The following TSPAN9 variants were observed in gnomAD, a reference collection of about 807,000 sequenced individuals.
TSPAN9 encodes the protein tetraspanin-9.
A neutral mutation model predicts 31.0 loss-of-function variants in TSPAN9; 16 were observed. The ratio of observed to expected loss-of-function variants is 0.52; its 90% CI spans 0.35 to 0.78. The LOEUF (loss-of-function observed/expected upper bound fraction) is 0.78, where lower values mean the gene tolerates loss of function less well. Ranked by LOEUF, TSPAN9 falls within the 30% of genes least tolerant of loss-of-function variation. The pLI is 0.01. For synonymous variants in TSPAN9, 145 were observed against 121.6 expected, an observed-to-expected ratio of 1.19 and a Z score of -1.27; for missense variants, 272 against 312.5, an observed-to-expected ratio of 0.87 and a Z score of 0.98.
chr12:3,201,026 C>A (rs1459350118), intron 2 of TSPAN9, 151 bp from the exon 3 acceptor site: 1 of 660,298 alleles, frequency 1.5e-6, no homozygotes, highest in Non-Finnish European at 2.6e-6. Context: ...CCCGTTCGGC[C>A]GCGGCTTCAC....
intron 3 of TSPAN9, among the ~76,000 whole-genome samples, chr12:3,258,687 C>A (rs1862395052): frequency 6.6e-6 from 1 of 152,180 alleles, no homozygotes; most frequent in Non-Finnish European, 1.5e-5. Flanking sequence ...TAACATCATT[C>A]CTTGACCCAC....
chr12:3,235,986 C>T (rs2098393543), intron 3 of TSPAN9, among the ~76,000 whole-genome samples: 1 of 152,272 alleles, frequency 6.6e-6, no homozygotes, highest in Admixed American at 6.5e-5. Flanking sequence ...GCTGGGGCGG[C>T]ATGAGGGATC....
At chr12:3,125,582 A>G (rs1238184417) in intron 2 of TSPAN9, among the ~76,000 whole-genome samples, 7 of 152,138 alleles carry the variant, frequency 4.6e-5, no homozygotes, top group Admixed American at 1.3e-4. Flanking sequence ...TCACTCTATA[A>G]GAAGACCCTA....
chr12:3,260,911 A>T (rs1307604466), intron 3 of TSPAN9, among the ~76,000 whole-genome samples: 2 of 152,200 alleles, frequency 1.3e-5, no homozygotes, highest in African/African-American at 4.8e-5. Context: ...GCAAAAGAAT[A>T]TGGAAATGAT....
At chr12:3,162,269 A>G (rs1221616466) in intron 2 of TSPAN9, among the ~76,000 whole-genome samples, 1 of 152,236 alleles carries the variant, frequency 6.6e-6, no homozygotes, top group Non-Finnish European at 1.5e-5. Context: ...ATGCTCAGAC[A>G]TCAGAATCGT....
intron 2 of TSPAN9, among the ~76,000 whole-genome samples, chr12:3,135,767 T>A (rs2098331839): frequency 6.6e-6 from 1 of 152,182 alleles, no homozygotes; most frequent in Admixed American, 6.5e-5. Context: ...CACATCTCAC[T>A]GATTCCAGGA....
At chr12:3,198,246 C>T (rs1280255898) in intron 2 of TSPAN9, among the ~76,000 whole-genome samples, 2 of 105,096 alleles carry the variant, frequency 1.9e-5, no homozygotes, top group Admixed American at 1.0e-4. Context: ...CAGGTCACCA[C>T]CAGCACAGCT....
chr12:3,209,949 ACT>A (rs1347311183), intron 3 of TSPAN9, among the ~76,000 whole-genome samples: 3 of 115,444 alleles, frequency 2.6e-5, no homozygotes, highest in African/African-American at 6.8e-5. Flanking sequence ...ACAGAGTGAG[ACT>A]CTGTCCCAAA....
chr12:3,142,366 C>T (rs752275373), intron 2 of TSPAN9, among the ~76,000 whole-genome samples: 1 of 152,188 alleles, frequency 6.6e-6, no homozygotes, highest in Non-Finnish European at 1.5e-5. Context: ...ATGGGGCTCA[C>T]GTTGGCCCCT....
chr12:3,143,260 AT>A lies in TSPAN9; in HGVS notation c.-17-57916del, dbSNP rs1405639811. 8.1e-5 allele frequency among the ~76,000 whole-genome samples: 12 copies of A among 148,324 alleles called. No homozygotes were observed. Among genetic ancestry groups the A allele is most frequent in the African/African-American group, 2.2e-4 (9 of 40,754 alleles). On this transcript the variant is annotated intron_variant, in intron 2 of 8. Transcript: ENST00000011898. The surrounding 1 kb of genome is among the most constrained non-coding windows in gnomAD (Gnocchi z 4.2). The stretch of plus-strand genomic sequence containing the variant: ...TTTATAATTAATAATATTTATAGTT[AT>A]ATTAATCATAATTAATAATATTTAT...
chr12:3,205,002 G>A (rs2098374179), intron 3 of TSPAN9, among the ~76,000 whole-genome samples: 1 of 152,080 alleles, frequency 6.6e-6, no homozygotes, highest in South Asian at 2.1e-4. Context: ...GCGTATAGGG[G>A]TGGGCTGGAA....
intron 2 of TSPAN9, among the ~76,000 whole-genome samples, chr12:3,197,694 TCACAC>T (rs2098367830): frequency 8.0e-6 from 1 of 125,438 alleles, no homozygotes; most frequent in Admixed American, 7.6e-5. Flanking sequence ...CCAGCACAGG[TCACAC>T]CAGCACAGGT....
At chr12:3,222,508 C>T (rs1002284) in intron 3 of TSPAN9, among the ~76,000 whole-genome samples, 28,687 of 152,172 alleles carry the variant, frequency 0.19, 3,194 homozygotes, top group South Asian at 0.45. Flanking sequence ...GGCACTGCAT[C>T]TGGATGGATT....
intron 2 of TSPAN9, among the ~76,000 whole-genome samples, chr12:3,155,224 C>A (rs2098341641): frequency 6.6e-6 from 1 of 152,082 alleles, no homozygotes. Flanking sequence ...TTATGCTGGG[C>A]ACTTTGGGGA....
rs1475940181 is a variant in TSPAN9, at chr12:3,173,043, AC to A, written c.-17-28132del. On this transcript the variant is annotated intron_variant, in intron 2 of 8. Coordinates refer to ENST00000011898, the MANE Select transcript of TSPAN9 (RefSeq NM_006675.5). ...CCAGTTCAGGTGCTCAAGGCGTCTT[AC>A]CTGAACATTACCACAGCTTCCTGAC... The A allele has an allele frequency of 2.6e-5, 4 of 152,392 alleles. No individual in the cohort carries two copies. In the East Asian group the frequency reaches 5.8e-4, roughly 22 times the overall value. 9.4% of individuals were successfully genotyped at this position (152,392 alleles called of 1,614,324 possible). A position where few individuals can be genotyped will look rare whatever the true frequency, so the allele number is the denominator to read the frequency against.
intron 3 of TSPAN9, among the ~76,000 whole-genome samples, chr12:3,228,594 C>G (rs939761370): frequency 1.5e-4 from 23 of 152,344 alleles, no homozygotes; most frequent in Middle Eastern, 3.4e-3. Context: ...AGTGAGTGCT[C>G]CTAGCTCTAG....
In TSPAN9 at chr12:3,281,791, G is replaced by T. The variant is rs1393980197; in HGVS notation, c.622G>T (p.Val208Leu). Residue 208 changes from valine to leucine, a missense_variant, in exon 8 of 9, where the codon GTG becomes TTG. Coordinates refer to ENST00000011898, the MANE Select transcript of TSPAN9 (RefSeq NM_006675.5). ...TGACAATAAGCACGTGCTGGGCACGGTGGGGATGTGCATCCTCATCATGCA... is the reference window on the plus strand; with the variant it reads ...TGACAATAAGCACGTGCTGGGCACGTTGGGGATGTGCATCCTCATCATGCA... The part of the protein sequence containing the change: ...FDDNKHVLGT[V>L]GMCILIMQIL... The T allele has an allele frequency of 6.2e-7, 1 of 1,614,228 alleles. No homozygotes were observed. The highest frequency in any genetic ancestry group is 1.1e-5 in the South Asian group (1 of 91,078).
chr12:3,220,605 A>G (rs998442893), intron 3 of TSPAN9, among the ~76,000 whole-genome samples: 5 of 152,194 alleles, frequency 3.3e-5, no homozygotes, highest in Non-Finnish European at 7.3e-5. Context: ...CTGCAGAGGA[A>G]TCCGATGTTG....
At chr12:3,163,517 T>G (rs558937598) in intron 2 of TSPAN9, among the ~76,000 whole-genome samples, 1 of 152,296 alleles carries the variant, frequency 6.6e-6, no homozygotes, top group South Asian at 2.1e-4. Context: ...TTCATAGACC[T>G]TTGCCACTCA....
Sources: allele counts gnomAD v4.1 joint callset (sites outside exome capture counted in the v4.1 genomes callset), GRCh38; gene constraint gnomAD v4.1.1; non-coding constraint Gnocchi (gnomAD v3.1); transcripts MANE v1.5; gene names NCBI Gene and HGNC (gene_info 2026-07-23, HGNC 2026-07-21).